Variants in BCKDHA observed in about 807,000 individuals in gnomAD.
The protein encoded by BCKDHA is 2-oxoisovalerate dehydrogenase subunit alpha, mitochondrial.
A neutral mutation model predicts 52.2 loss-of-function variants in BCKDHA; 43 were observed. That is an observed-to-expected ratio of 0.82 (90% CI 0.64 to 1.06). BCKDHA has a LOEUF of 1.06. Among genes scored for constraint, BCKDHA ranks in the 50% least tolerant of loss-of-function variants. BCKDHA has a pLI of 0.00. For missense variants in BCKDHA, 527 were observed against 621.3 expected, an observed-to-expected ratio of 0.85 and a Z score of 1.61; for synonymous variants, 234 against 247.9, an observed-to-expected ratio of 0.94 and a Z score of 0.53.
chr19:41,414,646 G>T (rs1415193165), intron 4 of BCKDHA, among the ~76,000 whole-genome samples: 2 of 152,156 alleles, frequency 1.3e-5, no homozygotes, highest in African/African-American at 4.8e-5. Flanking sequence ...TGCGGTGCAA[G>T]ATTAGAGGGG....
At chr19:41,420,545 G>A (rs2039353112) in intron 5 of BCKDHA, among the ~76,000 whole-genome samples, 1 of 151,604 alleles carries the variant, frequency 6.6e-6, no homozygotes, top group Non-Finnish European at 1.5e-5. Context: ...TTTGCAGTGA[G>A]CTGAGATCGT....
In BCKDHA at chr19:41,422,350, A is replaced by G; in HGVS notation, c.833A>G (p.Gln278Arg). 6.2e-7 allele frequency: 1 copy of G among 1,614,212 alleles called. No homozygotes were observed. Among genetic ancestry groups the G allele is most frequent in the Non-Finnish European group, 8.5e-7 (1 of 1,180,028 alleles). The change falls in exon 6 of 9, where the codon CAG becomes CGG. Residue 278 changes from glutamine to arginine, a missense_variant. Gln to Arg is a conservative substitution (Grantham distance 43, BLOSUM62 1). Coordinates refer to ENST00000269980, the MANE Select transcript of BCKDHA (RefSeq NM_000709.4). The part of the protein sequence containing the change: ...GYAISTPTSE[Q>R]YRGDGIAARG... The stretch of plus-strand genomic sequence containing the variant: ...GCCATCTCCACGCCCACCTCTGAGC[A>G]GTATCGCGGCGATGGCATTGGTATG...
Position 41,424,951 on chromosome 19 carries a change from G to A in BCKDHA, c.*343G>A, listed in dbSNP as rs1267485957. 7.6e-6 allele frequency: 2 copies of A among 263,574 alleles called. No homozygotes were observed. The highest frequency in any genetic ancestry group is 7.6e-5 in the South Asian group (1 of 13,202). The allele number at this position is 263,574 out of a possible 1,614,324, so 16.3% of individuals were successfully genotyped here. ...CAGCCTGTGGAACTTGCGCAGGTGCGAGTGGCCAGCAGAGGTCACGAATAA... is the reference window on the plus strand; with the variant it reads ...CAGCCTGTGGAACTTGCGCAGGTGCAAGTGGCCAGCAGAGGTCACGAATAA... On this transcript the variant is annotated 3_prime_UTR_variant, in exon 9 of 9. Transcript: ENST00000269980.
At chr19:41,418,133 A>T (rs1301733375) in intron 4 of BCKDHA, among the ~76,000 whole-genome samples, 1 of 149,172 alleles carries the variant, frequency 6.7e-6, no homozygotes, top group Non-Finnish European at 1.5e-5. Context: ...TGCTGTGTGT[A>T]ATGTGATCTC....
intron 1 of BCKDHA, 41 bp from the exon 2 acceptor site, chr19:41,410,596 C>T: frequency 6.2e-7 from 1 of 1,612,490 alleles, no homozygotes; most frequent in South Asian, 1.1e-5. Flanking sequence ...AACCTGGGTG[C>T]TGCTTCTGAT....
chr19:41,412,376 A>ATTTATTTTTTTTTTTTTTT, intron 3 of BCKDHA, among the ~76,000 whole-genome samples: 1 of 46,414 alleles, frequency 2.2e-5, no homozygotes, highest in Non-Finnish European at 4.3e-5. Flanking sequence ...GTCTGTAGAT[A>ATTTATTTTTTTTTTTTTTT]TTTCTTTTTT....
chr19:41,406,159 G>A (rs947804115), intron 1 of BCKDHA, among the ~76,000 whole-genome samples: 4 of 152,164 alleles, frequency 2.6e-5, no homozygotes, highest in Non-Finnish European at 5.9e-5. Flanking sequence ...CAGCAAAGAG[G>A]GGAGGAGGGT....
chr19:41,407,225 A>G (rs2039203371), intron 1 of BCKDHA, among the ~76,000 whole-genome samples: 1 of 152,186 alleles, frequency 6.6e-6, no homozygotes, highest in Admixed American at 6.5e-5. Context: ...TTAACTTAGC[A>G]ACTTTTCACG....
At chr19:41,400,189 C>T (rs1293162683) in intron 1 of BCKDHA, 1 of 152,178 alleles carries the variant, frequency 6.6e-6, no homozygotes, top group African/African-American at 2.4e-5. Flanking sequence ...ACCTCCACCT[C>T]CTAAGTAGCT....
chr19:41,423,191 G>A (rs1017095994), intron 8 of BCKDHA, 22 bp downstream of exon 8: 2 of 1,549,712 alleles, frequency 1.3e-6, no homozygotes, highest in African/African-American at 2.7e-5. Context: ...CCGCCCGGGA[G>A]GGTGTGCTGG....
At chr19:41,411,036 G>C (rs777132193) in intron 3 of BCKDHA, 27 bp downstream of exon 3, 23 of 1,611,674 alleles carry the variant, frequency 1.4e-5, no homozygotes, top group Non-Finnish European at 1.7e-5. Flanking sequence ...CTAGGGGCGG[G>C]GGGCTGGAAT....
chr19:41,412,608 C>T (rs1399545451), intron 3 of BCKDHA, among the ~76,000 whole-genome samples: 1 of 151,694 alleles, frequency 6.6e-6, no homozygotes, highest in Non-Finnish European at 1.5e-5. Context: ...GAACTCCCTA[C>T]CTCAGGTGAT....
At chr19:41,423,700 C>T (rs530755533) in intron 8 of BCKDHA, among the ~76,000 whole-genome samples, 18 of 152,218 alleles carry the variant, frequency 1.2e-4, no homozygotes, top group Middle Eastern at 6.8e-3. Flanking sequence ...GGCATGGTGC[C>T]GGGTGCCTGT....
intron 1 of BCKDHA, among the ~76,000 whole-genome samples, chr19:41,406,081 C>A (rs1430177449): frequency 6.6e-6 from 1 of 152,160 alleles, no homozygotes; most frequent in African/African-American, 2.4e-5. Flanking sequence ...AGCGTGGAGC[C>A]CTTTGCATAG....
intron 3 of BCKDHA, 120 bp from the exon 4 acceptor site, chr19:41,413,929 C>A: frequency 1.2e-6 from 1 of 859,032 alleles, no homozygotes; most frequent in African/African-American, 1.7e-5. Context: ...TGGCCCAGGA[C>A]TGGCCTTCAG....
In BCKDHA at chr19:41,423,284, A is replaced by G. The variant is rs2039390643; in HGVS notation, c.1167+115A>G. 12 of 1,481,998 alleles carry G rather than the reference A, an allele frequency of 8.1e-6. No individual in the cohort carries two copies. In the Admixed American group the frequency reaches 1.5e-4, roughly 18 times the overall value. The allele number at this position is 1,481,998 out of a possible 1,614,324, so 91.8% of individuals were successfully genotyped here. A position where few individuals can be genotyped will look rare whatever the true frequency, so the allele number is the denominator to read the frequency against. ...TCAGGGATAACCCCAGTGATGTCTCAGATGTGGCCTGTGGAGCCAGGCTGC... is the reference window on the plus strand; with the variant it reads ...TCAGGGATAACCCCAGTGATGTCTCGGATGTGGCCTGTGGAGCCAGGCTGC... On this transcript the variant is annotated intron_variant, in intron 8 of 8. Coordinates refer to ENST00000269980, the MANE Select transcript of BCKDHA (RefSeq NM_000709.4).
chr19:41,416,892 T>C (rs1440372133), intron 4 of BCKDHA, among the ~76,000 whole-genome samples: 3 of 152,156 alleles, frequency 2.0e-5, no homozygotes, highest in African/African-American at 7.2e-5. Context: ...AACTCCAGTT[T>C]GGGTGACAGA....
chr19:41,400,352 G>C (rs1362870235), intron 1 of BCKDHA: 6 of 151,270 alleles, frequency 4.0e-5, no homozygotes, highest in Non-Finnish European at 7.3e-5. Flanking sequence ...TGATTCTCCT[G>C]CCTCAGCCTC....
intron 1 of BCKDHA, among the ~76,000 whole-genome samples, chr19:41,406,051 AT>A (rs1189234027): frequency 6.6e-6 from 1 of 152,018 alleles, no homozygotes; most frequent in Non-Finnish European, 1.5e-5. Flanking sequence ...ATTATGGAGC[AT>A]TTCCTCAGGA....
Sources: allele counts gnomAD v4.1 joint callset (sites outside exome capture counted in the v4.1 genomes callset), GRCh38; gene constraint gnomAD v4.1.1; transcripts MANE v1.5; gene names NCBI Gene and HGNC (gene_info 2026-07-23, HGNC 2026-07-21).